The following TRERF1 variants were observed in gnomAD, a reference collection of about 807,000 sequenced individuals.
The protein encoded by TRERF1 is transcriptional regulating factor 1.
TRERF1 carries 27 observed loss-of-function variants against 122.9 expected under a neutral mutation model. That is an observed-to-expected ratio of 0.22 (90% CI 0.16 to 0.30). The LOEUF (loss-of-function observed/expected upper bound fraction) is 0.30. TRERF1 is among the 10% of genes least tolerant of loss of function. The pLI is 1.00. For missense variants in TRERF1, 1,248 were observed against 1,560.3 expected (o/e 0.80, Z 3.37); for synonymous variants, 636 against 641.7 (o/e 0.99, Z 0.13).
chr6:42,290,710 A>AAATT, intron 4 of TRERF1, among the ~76,000 whole-genome samples: 1 of 151,854 alleles, frequency 6.6e-6, no homozygotes, highest in African/African-American at 2.4e-5. Context: ...AGGTTAGAGA[A>AAATT]AATTAATTTA....
At chr6:42,395,139 G>C (rs1778377678) in intron 2 of TRERF1, among the ~76,000 whole-genome samples, 1 of 152,234 alleles carries the variant, frequency 6.6e-6, no homozygotes, top group Non-Finnish European at 1.5e-5. Flanking sequence ...TTGGTTCCGT[G>C]ACCAGGCTCA....
At chr6:42,363,134 A>G (rs530122241) in intron 2 of TRERF1, 55 bp from the exon 3 acceptor site, 1 of 152,566 alleles carries the variant, frequency 6.6e-6, no homozygotes, top group Admixed American at 6.5e-5. Context: ...GCATGGGAAC[A>G]GTGAGTATCA....
At chr6:42,382,647 AAG>A (rs1776134146) in intron 2 of TRERF1, among the ~76,000 whole-genome samples, 1 of 152,184 alleles carries the variant, frequency 6.6e-6, no homozygotes, top group African/African-American at 2.4e-5. Flanking sequence ...TGTGCCATAA[AAG>A]AGTGTCCAAA....
At chr6:42,421,615 A>G (rs937810730) in intron 2 of TRERF1, among the ~76,000 whole-genome samples, 1 of 151,908 alleles carries the variant, frequency 6.6e-6, no homozygotes, top group African/African-American at 2.4e-5. Context: ...CTCTACTAAA[A>G]TACAAAAAGT....
chr6:42,252,768 G>C (rs1330685637), intron 13 of TRERF1, among the ~76,000 whole-genome samples: 1 of 152,172 alleles, frequency 6.6e-6, no homozygotes, highest in African/African-American at 2.4e-5. Flanking sequence ...AGATGGTTTT[G>C]GGTCAGACTT....
intron 3 of TRERF1, among the ~76,000 whole-genome samples, chr6:42,349,101 CT>C (rs1768895559): frequency 6.6e-6 from 1 of 152,204 alleles, no homozygotes; most frequent in Admixed American, 6.5e-5. Context: ...GAGGTACCTA[CT>C]TCCCCAGCTT....
rs145307527 is a variant in TRERF1 at position 42,389,892 on chromosome 6, T to C, written c.-453-26813A>G. Among the ~76,000 whole-genome samples, 800 of 152,332 alleles carry C rather than the reference T, an allele frequency of 5.3e-3. 4 individuals carry two copies. The highest frequency in any genetic ancestry group is 0.017 in the African/African-American group (727 of 41,568). ...GTTTGCTCTTCAAATGAGAAGCTAG[T>C]TGTCTAAAGGAACAATCTCTCTCTC... On this transcript the variant is annotated intron_variant, in intron 2 of 17. Coordinates refer to ENST00000372922, the Ensembl canonical transcript of TRERF1.
chr6:42,284,302 G>C (rs1782816067), intron 4 of TRERF1, among the ~76,000 whole-genome samples: 1 of 150,000 alleles, frequency 6.7e-6, no homozygotes, highest in Non-Finnish European at 1.5e-5. Context: ...CTGGCCTCAA[G>C]CAATCCTCAT....
Position 42,451,927 on chromosome 6 carries a change from G to A in TRERF1, c.-539+94C>T, listed in dbSNP as rs375541670. The A allele has an allele frequency of 6.6e-6, 1 of 152,536 alleles. No homozygotes were observed. The highest frequency in any genetic ancestry group is 6.6e-5 in the Admixed American group (1 of 15,262). The allele number at this position is 152,536 out of a possible 1,614,324, so 9.4% of individuals were successfully genotyped here. A position where few individuals can be genotyped will look rare whatever the true frequency, so the allele number is the denominator to read the frequency against. ...CTCTCAGCCATCGCTTAGAGGGAAG[G>A]GGGTGTGCTGGGGAGACAGAAATAC... On this transcript the variant is annotated intron_variant, in intron 1 of 17. Transcript: ENST00000372922.
chr6:42,290,571 C>T (rs917032975), intron 4 of TRERF1, among the ~76,000 whole-genome samples: 1 of 151,954 alleles, frequency 6.6e-6, no homozygotes, highest in African/African-American at 2.4e-5. Context: ...ATTGACAACA[C>T]ACTCATCAAC....
At chr6:42,302,227 T>C (rs1786333256) in intron 3 of TRERF1, among the ~76,000 whole-genome samples, 2 of 152,336 alleles carry the variant, frequency 1.3e-5, no homozygotes, top group South Asian at 2.1e-4. Context: ...ATTCCTACTA[T>C]TTAATGCTAT....
rs200252426 is a variant in TRERF1, at chr6:42,327,261, C to T, written c.-370-26512G>A. 2.0e-5 allele frequency among the ~76,000 whole-genome samples: 3 copies of T among 152,322 alleles called. No homozygotes were observed. In the East Asian group the frequency reaches 5.8e-4, roughly 29 times the overall value. On this transcript the variant is annotated intron_variant, in intron 3 of 17. Coordinates refer to ENST00000372922, the Ensembl canonical transcript of TRERF1. The stretch of plus-strand genomic sequence containing the variant: ...CATCTGTGCCCCACTGTGCATGTCC[C>T]AAAGTGGTTTCACCCATATATCTCA...
At chr6:42,426,622 G>A (rs1783667205) in intron 2 of TRERF1, among the ~76,000 whole-genome samples, 1 of 152,216 alleles carries the variant, frequency 6.6e-6, no homozygotes, top group African/African-American at 2.4e-5. Flanking sequence ...GGTGGAAGCC[G>A]TCAGACCAGG....
intron 2 of TRERF1, among the ~76,000 whole-genome samples, chr6:42,408,898 C>T (rs1780705154): frequency 6.6e-6 from 1 of 152,098 alleles, no homozygotes; most frequent in African/African-American, 2.4e-5. Context: ...AATCTGAGTT[C>T]ACTTTTTCCA....
At chr6:42,236,640 C>T (rs945063859) in intron 15 of TRERF1, among the ~76,000 whole-genome samples, 1 of 152,168 alleles carries the variant, frequency 6.6e-6, no homozygotes, top group Non-Finnish European at 1.5e-5. Flanking sequence ...TGCCCCACTT[C>T]GGGACCCCTC....
intron 3 of TRERF1, among the ~76,000 whole-genome samples, chr6:42,330,073 T>A (rs1012035330): frequency 5.3e-5 from 8 of 152,112 alleles, no homozygotes; most frequent in African/African-American, 1.9e-4. Context: ...AAAAAATTAA[T>A]TTCCCTCTGC....
chr6:42,335,305 G>A (rs1020863955), intron 3 of TRERF1, among the ~76,000 whole-genome samples: 2 of 152,150 alleles, frequency 1.3e-5, no homozygotes, highest in South Asian at 2.1e-4. Context: ...CCCCTCTGCT[G>A]ACAAGGCAGG....
intron 3 of TRERF1, among the ~76,000 whole-genome samples, chr6:42,321,770 T>C (rs1219625187): frequency 6.6e-6 from 1 of 152,132 alleles, no homozygotes; most frequent in African/African-American, 2.4e-5. Context: ...AAACTCTAAA[T>C]CTTTTATAAA....
intron 2 of TRERF1, among the ~76,000 whole-genome samples, chr6:42,414,999 A>T (rs779478540): frequency 7.2e-5 from 11 of 152,240 alleles, no homozygotes; most frequent in Admixed American, 2.6e-4. Flanking sequence ...AAGCAATCGT[A>T]TCCATTTACT....
Sources: allele counts gnomAD v4.1 joint callset (sites outside exome capture counted in the v4.1 genomes callset), GRCh38; gene constraint gnomAD v4.1.1; transcripts MANE v1.5; gene names NCBI Gene and HGNC (gene_info 2026-07-23, HGNC 2026-07-21).